The following OGFOD2 variants were observed in gnomAD, a reference collection of about 807,000 sequenced individuals.
OGFOD2 encodes the protein 2-oxoglutarate and iron dependent oxygenase domain containing 2.
Under a neutral mutation model 31.1 loss-of-function variants are expected in OGFOD2, and 34 were observed. That is an observed-to-expected ratio of 1.09 (90% confidence interval 0.83 to 1.45). OGFOD2 has a LOEUF of 1.45. Among genes scored for constraint, OGFOD2 ranks in the 40% most tolerant of loss-of-function variants. The probability of loss-of-function intolerance (pLI) is 0.00; values close to 1 mark genes in which losing one functional copy is unlikely to be tolerated. For synonymous variants in OGFOD2, 240 were observed against 192.3 expected (o/e 1.25, Z -2.05); for missense variants, 537 against 433.9 (o/e 1.24, Z -2.11).
At chr12:122,978,755 G>A (rs1254053042) in exon 6 of OGFOD2, 2 of 1,607,430 alleles carry the variant, frequency 1.2e-6, no homozygotes, top group Non-Finnish European at 1.7e-6. Flanking sequence ...CCTCCCAGGT[G>A]CTGCTGCACG....
intron 2 of OGFOD2, chr12:122,976,383 G>A (rs1474425497): frequency 6.2e-7 from 1 of 1,613,942 alleles, no homozygotes; most frequent in South Asian, 1.1e-5. Context: ...CTGTCCCTGT[G>A]TGGGCCCAGA....
chr12:122,979,226 T>G (rs780922817), exon 7 of OGFOD2: 3 of 1,612,602 alleles, frequency 1.9e-6, no homozygotes, highest in Middle Eastern at 3.3e-4. Flanking sequence ...GAGCCTCTGC[T>G]GTGCGCAACA....
At chr12:122,978,992 T>C in exon 6 of OGFOD2, 1 of 1,612,744 alleles carries the variant, frequency 6.2e-7, no homozygotes, top group Non-Finnish European at 8.5e-7. Flanking sequence ...GCGCCCTGTA[T>C]TTTGGGGGCC....
At chr12:122,979,162 A>T in exon 7 of OGFOD2, 1 of 1,610,638 alleles carries the variant, frequency 6.2e-7, no homozygotes, top group South Asian at 1.1e-5. Flanking sequence ...GGCCAGCTGC[A>T]TGGAGCCCGG....
At chr12:122,976,908 A>C in exon 4 of OGFOD2, 1 of 1,612,568 alleles carries the variant, frequency 6.2e-7, no homozygotes. Context: ...GCCGTGACTG[A>C]GTACAGCGTG....
At chr12:122,976,661 A>G (rs757222120) in exon 3 of OGFOD2, 1 of 1,593,766 alleles carries the variant, frequency 6.3e-7, no homozygotes, top group Admixed American at 1.7e-5. Context: ...CAGCTTGAGC[A>G]GGAGGTGGAG....
At chr12:122,975,893 C>T (rs753861026) in intron 2 of OGFOD2, 26 bp downstream of exon 2, 28 of 697,634 alleles carry the variant, frequency 4.0e-5, no homozygotes, top group Non-Finnish European at 6.8e-5. Flanking sequence ...CCCTGCACAG[C>T]TCCTCCTCGT....
At chr12:122,979,230 C>T (rs756026699) in exon 7 of OGFOD2, 15 of 1,612,496 alleles carry the variant, frequency 9.3e-6, no homozygotes, top group East Asian at 2.2e-5. Flanking sequence ...CTCTGCTGTG[C>T]GCAACAGCCT....
At chr12:122,977,379 C>T (rs371005055) in intron 4 of OGFOD2, 95 of 289,826 alleles carry the variant, frequency 3.3e-4, no homozygotes, top group African/African-American at 2.0e-3. Flanking sequence ...GCAGTTACCA[C>T]CTGGAGTTGT....
At chr12:122,976,414 G>A (rs1229989804) in intron 2 of OGFOD2, 1 of 1,613,684 alleles carries the variant, frequency 6.2e-7, no homozygotes, top group South Asian at 1.1e-5. Flanking sequence ...ACATCTAGGG[G>A]TTCTCATCCC....
chr12:122,975,823 C>G lies in OGFOD2; in HGVS notation c.145C>G (p.Arg49Gly), dbSNP rs183200398. 10 of 702,942 alleles carry G rather than the reference C, an allele frequency of 1.4e-5. No individual in the cohort carries two copies. In the Admixed American group the frequency reaches 1.8e-4, roughly 13 times the overall value. 43.5% of individuals were successfully genotyped at this position (702,942 alleles called of 1,614,324 possible). A position where few individuals can be genotyped will look rare whatever the true frequency, so the allele number is the denominator to read the frequency against. The change falls in exon 2 of 7, where the codon CGA (arginine) becomes GGA (glycine). Residue 49 changes from arginine (R) to glycine (G), a missense_variant. Physicochemically the swap from Arg to Gly is moderately radical, Grantham distance 125. Coordinates refer to ENST00000228922, the Ensembl canonical transcript of OGFOD2. ...TTTCTGCTCCCAGATCCTGCGCAGC[C>G]GAGGCTGTGTTAGCGCCAAGGACTT...
At chr12:122,976,011 C>G (rs568879525) in intron 2 of OGFOD2, 144 bp downstream of exon 2, 2 of 623,362 alleles carry the variant, frequency 3.2e-6, no homozygotes, top group Admixed American at 2.5e-5. Context: ...CCCCACTCAT[C>G]CCTCCACACC....
exon 7 of OGFOD2, chr12:122,979,277 C>T (rs778659375): frequency 2.7e-5 from 44 of 1,612,820 alleles, no homozygotes; most frequent in Non-Finnish European, 3.4e-5. Flanking sequence ...ACCTGGTGGA[C>T]GATGAGGGCT....
rs1566208709 is a variant in OGFOD2, at chr12:122,975,368, CCGGGACTA to C, written c.121_128del (p.Asp41ProfsTer10). 1.4e-6 allele frequency: 1 copy of C among 700,778 alleles called. No individual in the cohort carries two copies. The highest frequency in any genetic ancestry group is 2.0e-5 in the Admixed American group (1 of 49,784). 43.4% of individuals were successfully genotyped at this position (700,778 alleles called of 1,614,324 possible). On this transcript the variant is annotated frameshift_variant, in exon 1 of 7. Coordinates refer to ENST00000228922, the Ensembl canonical transcript of OGFOD2. LOFTEE classifies it high-confidence loss of function. ...GCTTCCGAGGCGAGCAGCAGCTGCG[CCGGGACTA>C]CGGCCCGGTGAGTGGCCGCTGTCGT...
intron 5 of OGFOD2, 53 bp from the exon 6 acceptor site, chr12:122,978,700 C>T: frequency 6.3e-7 from 1 of 1,588,330 alleles, no homozygotes. Flanking sequence ...GGAGTGGAAG[C>T]CCAGGGTTGC....
intron 4 of OGFOD2, 145 bp from the exon 5 acceptor site, chr12:122,978,294 CTCA>C: frequency 4.1e-6 from 4 of 975,380 alleles, no homozygotes; most frequent in South Asian, 1.6e-5. Context: ...TCCCCTGCTC[CTCA>C]TGTTACTTCC....
chr12:122,977,783 C>T (rs2037475535), intron 4 of OGFOD2: 1 of 154,316 alleles, frequency 6.5e-6, no homozygotes, highest in Non-Finnish European at 1.4e-5. Context: ...GAATCCCCCT[C>T]CTCCCAGCCT....
Position 122,976,685 on chromosome 12 carries a change from TG to T in OGFOD2, c.225del (p.Gln76ArgfsTer37), listed in dbSNP as rs773279516. 2.5e-6 allele frequency: 4 copies of T among 1,613,372 alleles called. No individual in the cohort carries two copies. Among genetic ancestry groups the T allele is most frequent in the South Asian group, 1.1e-5 (1 of 91,078 alleles). On this transcript the variant is annotated frameshift_variant, in exon 3 of 7. Coordinates refer to ENST00000228922, the Ensembl canonical transcript of OGFOD2. LOFTEE classifies it high-confidence loss of function. ...CAGGAGGTGGAGCGGCGGCAGCGGC[TG>T]GGGCAGGAGTCAGCAGCTAGGAAAG... is the stretch of plus-strand genomic sequence containing the variant.
exon 7 of OGFOD2, chr12:122,979,414 A>G: frequency 6.6e-7 from 1 of 1,509,390 alleles, no homozygotes; most frequent in South Asian, 1.3e-5. Flanking sequence ...TGGGGGCAGA[A>G]ATAAAATCCC....
Sources: allele counts gnomAD v4.1 joint callset, GRCh38; gene constraint gnomAD v4.1.1; transcripts MANE v1.5; gene names NCBI Gene and HGNC (gene_info 2026-07-23, HGNC 2026-07-21).